Variants in SPATA6 observed in about 807,000 individuals in gnomAD.
SPATA6 encodes the protein spermatogenesis-associated protein 6.
Under a neutral mutation model 65.3 loss-of-function variants are expected in SPATA6, and 56 were observed. The observed-to-expected ratio is 0.86, with a 90% CI of 0.69 to 1.07. SPATA6 has a LOEUF of 1.07. Ranked by LOEUF, SPATA6 falls within the 50% of genes least tolerant of loss-of-function variation. SPATA6 has a pLI of 0.00. For synonymous variants in SPATA6, 199 were observed against 213.2 expected (o/e 0.93, Z 0.58); for missense variants, 590 against 594.8 (o/e 0.99, Z 0.08).
intron 11 of SPATA6, among the ~76,000 whole-genome samples, chr1:48,327,880 G>T (rs1191683481): frequency 6.6e-6 from 1 of 152,046 alleles, no homozygotes; most frequent in East Asian, 1.9e-4. Flanking sequence ...TTCACTATTT[G>T]GGTGATGTGG....
At chr1:48,461,850 AC>A (rs1283513987) in intron 1 of SPATA6, among the ~76,000 whole-genome samples, 1 of 152,206 alleles carries the variant, frequency 6.6e-6, no homozygotes, top group African/African-American at 2.4e-5. Context: ...CTGGGTATAT[AC>A]CCAAAGGACT....
chr1:48,468,096 A>C (rs1657951252), intron 1 of SPATA6, among the ~76,000 whole-genome samples: 1 of 152,214 alleles, frequency 6.6e-6, no homozygotes, highest in African/African-American at 2.4e-5. Flanking sequence ...TATATGGAAG[A>C]GATCTGCACT....
intron 6 of SPATA6, among the ~76,000 whole-genome samples, chr1:48,403,566 T>C (rs923105453): frequency 1.3e-5 from 2 of 152,058 alleles, no homozygotes; most frequent in African/African-American, 4.8e-5. Context: ...AGTAAAAAAA[T>C]AGTAGTAATA....
chr1:48,459,455 A>G (rs1267957745), intron 1 of SPATA6, among the ~76,000 whole-genome samples: 1 of 152,126 alleles, frequency 6.6e-6, no homozygotes, highest in Non-Finnish European at 1.5e-5. Context: ...TAAATTAAAT[A>G]TAATAGCATC....
At chr1:48,444,005 C>T (rs1398246921) in intron 3 of SPATA6, among the ~76,000 whole-genome samples, 1 of 152,272 alleles carries the variant, frequency 6.6e-6, no homozygotes, top group African/African-American at 2.4e-5. Context: ...ACTGCAGGGT[C>T]CTTTCTTCAC....
At position 48,295,557 on chromosome 1, in the gene SPATA6, T is replaced by C. The variant is rs923937880; in HGVS notation, c.*3156A>G. The C allele has an allele frequency of 6.6e-6, 1 of 152,170 alleles. No homozygotes were observed. The highest frequency in any genetic ancestry group is 2.4e-5 in the African/African-American group (1 of 41,444). The allele number at this position is 152,170 out of a possible 1,614,324, so 9.4% of individuals were successfully genotyped here. On this transcript the variant is annotated 3_prime_UTR_variant, in exon 13 of 13. Coordinates refer to ENST00000371847, the MANE Select transcript of SPATA6 (RefSeq NM_019073.4). Reference sequence around the variant, plus strand: ...AGGCATGGAGACAAAAAGCATATAGTGGTTTCCAGGAGTTGTGGGGAGGAG... The same window carrying C: ...AGGCATGGAGACAAAAAGCATATAGCGGTTTCCAGGAGTTGTGGGGAGGAG...
At chr1:48,270,179 C>G in the SPATA6 span, among the ~76,000 whole-genome samples, 1 of 152,064 alleles carries the variant, frequency 6.6e-6, no homozygotes, top group African/African-American at 2.4e-5. Context: ...CTAGAACTAT[C>G]CCATACATAA....
At chr1:48,265,906 G>C in the SPATA6 span, among the ~76,000 whole-genome samples, 1 of 152,282 alleles carries the variant, frequency 6.6e-6, no homozygotes, top group African/African-American at 2.4e-5. Flanking sequence ...ATATGTCTCA[G>C]ATATTCTAGT....
chr1:48,421,657 C>T (rs1653352039), intron 3 of SPATA6, among the ~76,000 whole-genome samples: 1 of 151,946 alleles, frequency 6.6e-6, no homozygotes, highest in African/African-American at 2.4e-5. Context: ...ATATCAACCC[C>T]ACCTTCCCTT....
chr1:48,356,672 T>G (rs532226198), intron 10 of SPATA6, among the ~76,000 whole-genome samples: 90 of 152,042 alleles, frequency 5.9e-4, no homozygotes, highest in African/African-American at 2.1e-3. Context: ...TACACCTGGC[T>G]AATTTTTGTA....
chr1:48,377,734 TTAAAGAGA>T (rs570384553), intron 9 of SPATA6, among the ~76,000 whole-genome samples: 540 of 152,306 alleles, frequency 3.5e-3, no homozygotes, highest in Non-Finnish European at 6.0e-3. Flanking sequence ...ATAATCTTTT[TTAAAGAGA>T]TAAAGAGATA....
At chr1:48,292,829 G>A (rs2148624287), downstream of SPATA6, among the ~76,000 whole-genome samples, 1 of 152,366 alleles carries the variant, frequency 6.6e-6, no homozygotes, top group East Asian at 1.9e-4. Flanking sequence ...TAAAACTGGG[G>A]CTAGTGGGTC....
At chr1:48,362,792 A>T (rs1397774301) in intron 9 of SPATA6, among the ~76,000 whole-genome samples, 1 of 152,182 alleles carries the variant, frequency 6.6e-6, no homozygotes, top group African/African-American at 2.4e-5. Context: ...AAAAGGCACA[A>T]GAAAAGATGA....
At chr1:48,432,270 G>A (rs1654473353) in intron 3 of SPATA6, among the ~76,000 whole-genome samples, 1 of 151,908 alleles carries the variant, frequency 6.6e-6, no homozygotes. Flanking sequence ...CAAGGCAAAA[G>A]CAATTTAAAA....
intron 9 of SPATA6, among the ~76,000 whole-genome samples, chr1:48,363,790 AT>A (rs1436999744): frequency 6.6e-6 from 1 of 150,896 alleles, no homozygotes; most frequent in Non-Finnish European, 1.5e-5. Flanking sequence ...TTCTTTTTTT[AT>A]TTTTTAAATT....
At chr1:48,423,428 C>G (rs1362080838) in intron 3 of SPATA6, among the ~76,000 whole-genome samples, 2 of 150,038 alleles carry the variant, frequency 1.3e-5, no homozygotes, top group Non-Finnish European at 3.0e-5. Context: ...TGCACTCCAG[C>G]CTGGGCAACA....
At chr1:48,437,110 T>C (rs1306394335) in intron 3 of SPATA6, 4 of 1,598,872 alleles carry the variant, frequency 2.5e-6, no homozygotes, top group Non-Finnish European at 3.4e-6. Context: ...TTCAATACTT[T>C]CACGGTTGCC....
intron 1 of SPATA6, among the ~76,000 whole-genome samples, chr1:48,453,546 C>A (rs558598184): frequency 1.3e-5 from 2 of 152,280 alleles, no homozygotes; most frequent in East Asian, 1.9e-4. Context: ...CTGATAAAAA[C>A]CACAAATCTG....
At chr1:48,388,383 C>G (rs1189769379) in intron 8 of SPATA6, among the ~76,000 whole-genome samples, 2 of 152,232 alleles carry the variant, frequency 1.3e-5, no homozygotes, top group East Asian at 3.9e-4. Context: ...GAACAAACAA[C>G]TGATATAACA....
Sources: allele counts gnomAD v4.1 joint callset (sites outside exome capture counted in the v4.1 genomes callset), GRCh38; gene constraint gnomAD v4.1.1; transcripts MANE v1.5; gene names NCBI Gene and HGNC (gene_info 2026-07-23, HGNC 2026-07-21).